Variants in TMEM164 observed in about 807,000 individuals in gnomAD.
TMEM164 encodes RP13-360B22.2.
Under a neutral mutation model 18.8 loss-of-function variants are expected in TMEM164, and 4 were observed. The observed-to-expected ratio is 0.21, with a 90% CI of 0.10 to 0.49. TMEM164 has a LOEUF of 0.49. TMEM164 is among the 20% of genes least tolerant of loss of function. The pLI, the probability that TMEM164 is intolerant of heterozygous loss-of-function variation, is 0.98. For synonymous variants in TMEM164, 86 were observed against 101.7 expected (o/e 0.85, Z 0.93); for missense variants, 108 against 239.9 (o/e 0.45, Z 3.63).
intron 5 of TMEM164, among the ~76,000 whole-genome samples, chrX:110,151,772 G>A (rs1334640797): frequency 1.8e-5 from 2 of 111,345 alleles, no homozygotes; most frequent in African/African-American, 6.5e-5. Flanking sequence ...AACAGAGTGA[G>A]ACTCAGTCTC....
intron 4 of TMEM164, among the ~76,000 whole-genome samples, chrX:110,114,653 A>G (rs1043770206): frequency 9.9e-5 from 11 of 111,345 alleles, no homozygotes; most frequent in Non-Finnish European, 1.7e-4. Flanking sequence ...TCTAACCCCC[A>G]TGAGAGTTTC....
chrX:110,043,764 A>G (rs1569305227), intron 2 of TMEM164, among the ~76,000 whole-genome samples: 1 of 112,643 alleles, frequency 8.9e-6, no homozygotes, highest in Non-Finnish European at 1.9e-5. Context: ...TCTGCCAGAG[A>G]TAATCATTAT....
intron 3 of TMEM164, among the ~76,000 whole-genome samples, chrX:110,098,006 A>G (rs2066048760): frequency 8.9e-6 from 1 of 111,831 alleles, no homozygotes; most frequent in Non-Finnish European, 1.9e-5. Context: ...ACTACCACAG[A>G]CAGGGTTTAG....
At position 110,175,745 on chromosome X, in the gene TMEM164, G is replaced by A. The variant is rs2067282295; in HGVS notation, c.*2294G>A. 41 of 754,649 alleles carry A rather than the reference G, an allele frequency of 5.4e-5. No homozygotes were observed. Among genetic ancestry groups the A allele is most frequent in the Non-Finnish European group, 6.4e-5 (41 of 639,502 alleles). The allele number at this position is 754,649 out of a possible 1,213,427, so 62.2% of individuals were successfully genotyped here. A position where few individuals can be genotyped will look rare whatever the true frequency, so the allele number is the denominator to read the frequency against. ...CATGTAGGTCAAAAGAATAGAGGGG[G>A]CCCAGTCTATAGGCTTCACAAGGAG... On this transcript the variant is annotated 3_prime_UTR_variant, in exon 7 of 7. Transcript: ENST00000372068.
intron 4 of TMEM164, among the ~76,000 whole-genome samples, chrX:110,140,829 G>A (rs1209553374): frequency 3.6e-5 from 4 of 112,416 alleles, no homozygotes; most frequent in Non-Finnish European, 7.5e-5. Context: ...CCAGGTATGA[G>A]TTCTCTAGTG....
intron 4 of TMEM164, among the ~76,000 whole-genome samples, chrX:110,141,797 T>C (rs1352937778): frequency 8.9e-6 from 1 of 112,516 alleles, no homozygotes; most frequent in African/African-American, 3.2e-5. Flanking sequence ...TTGGCTCCCA[T>C]TCAACTCTCT....
intron 4 of TMEM164, 121 bp downstream of exon 4, chrX:110,109,267 C>A: frequency 1.5e-6 from 1 of 661,945 alleles, no homozygotes. Context: ...CCTGTAATCC[C>A]AGCACTTTGG....
chrX:110,091,416 G>A (rs2065927092), intron 3 of TMEM164, among the ~76,000 whole-genome samples: 1 of 111,942 alleles, frequency 8.9e-6, no homozygotes, highest in Admixed American at 9.5e-5. Flanking sequence ...GGTGTGAGAT[G>A]GTATCTCACT....
At chrX:110,116,845 T>C (rs868133673) in intron 4 of TMEM164, among the ~76,000 whole-genome samples, 9 of 104,944 alleles carry the variant, frequency 8.6e-5, no homozygotes, top group African/African-American at 3.2e-4. Flanking sequence ...TGTGTGTGTG[T>C]GTGTGTGCGC....
At chrX:110,159,299 G>C (rs2148108525) in intron 5 of TMEM164, among the ~76,000 whole-genome samples, 1 of 110,911 alleles carries the variant, frequency 9.0e-6, no homozygotes, top group South Asian at 3.8e-4. Flanking sequence ...AGAGAGCTGG[G>C]GAACAAGGAG....
At chrX:110,137,684 A>G (rs1411825323) in intron 4 of TMEM164, among the ~76,000 whole-genome samples, 1 of 111,922 alleles carries the variant, frequency 8.9e-6, no homozygotes, top group Non-Finnish European at 1.9e-5. Flanking sequence ...TCCTGCACTG[A>G]TATTCTTGCC....
intron 2 of TMEM164, among the ~76,000 whole-genome samples, chrX:110,057,148 T>G (rs1935879161): frequency 1.8e-5 from 2 of 111,499 alleles, no homozygotes; most frequent in Admixed American, 1.9e-4. Flanking sequence ...CCTGGAAAAC[T>G]AAAACTTTGT....
chrX:110,160,008 C>T (rs1306091149), intron 5 of TMEM164, among the ~76,000 whole-genome samples: 1 of 111,457 alleles, frequency 9.0e-6, no homozygotes, highest in Non-Finnish European at 1.9e-5. Context: ...GGGAGGAAGT[C>T]AGCCACAAGG....
rs1012664687 is a variant in TMEM164 at position 110,176,000 on chromosome X, C to G, written c.*2549C>G. 1 of 754,888 alleles carries G rather than the reference C, an allele frequency of 1.3e-6. No individual in the cohort carries two copies. The highest frequency in any genetic ancestry group is 2.3e-5 in the African/African-American group (1 of 43,318). The allele number at this position is 754,888 out of a possible 1,213,427, so 62.2% of individuals were successfully genotyped here. On this transcript the variant is annotated 3_prime_UTR_variant, in exon 7 of 7. Coordinates refer to ENST00000372068, the MANE Select transcript of TMEM164 (RefSeq NM_032227.4). Reference sequence around the variant, plus strand: ...GAGGGAGAAGCTGGAGCTTGCACACCCAGTGGCCAGTGGGGCTGTCTTCCC... The same window carrying G: ...GAGGGAGAAGCTGGAGCTTGCACACGCAGTGGCCAGTGGGGCTGTCTTCCC...
Position 110,024,914 on chromosome X carries a change from G to A in TMEM164, c.390+20750G>A, listed in dbSNP as rs767408132. On this transcript the variant is annotated intron_variant, in intron 2 of 6. Coordinates refer to ENST00000372068, the MANE Select transcript of TMEM164 (RefSeq NM_032227.4). ...AAAGATCTTGTATTCAGGAACACTA[G>A]GTTAATAATCTACAAAATCTAATAC... 1.4e-4 allele frequency among the ~76,000 whole-genome samples: 16 copies of A among 111,539 alleles called. No individual in the cohort carries two copies. The South Asian group carries it at 1.9e-3, about 13-fold the overall frequency.
chrX:110,141,440 G>A (rs777731616), intron 4 of TMEM164, among the ~76,000 whole-genome samples: 7 of 112,061 alleles, frequency 6.2e-5, no homozygotes, highest in Non-Finnish European at 1.3e-4. Flanking sequence ...ATGTAGCTGG[G>A]GAGGCCTCAC....
At chrX:110,111,948 C>T (rs1011792934) in intron 4 of TMEM164, among the ~76,000 whole-genome samples, 2 of 111,365 alleles carry the variant, frequency 1.8e-5, no homozygotes, top group East Asian at 5.7e-4. Flanking sequence ...TGGCTCACAC[C>T]TGTGGTCCCA....
At chrX:110,109,398 A>G (rs1268498011) in intron 4 of TMEM164, among the ~76,000 whole-genome samples, 1 of 111,537 alleles carries the variant, frequency 9.0e-6, no homozygotes, top group Non-Finnish European at 1.9e-5. Context: ...TTTGCCTGCA[A>G]TCCCAGCTAC....
chrX:110,110,336 G>A (rs2066273430), intron 4 of TMEM164, among the ~76,000 whole-genome samples: 1 of 112,278 alleles, frequency 8.9e-6, no homozygotes, highest in Non-Finnish European at 1.9e-5. Context: ...ACCCTAGTAT[G>A]TTCCAGGCTC....
Sources: gnomAD v4.1 joint callset for allele counts (sites outside exome capture counted in the v4.1 genomes callset) on GRCh38, gnomAD v4.1.1 for gene constraint, MANE v1.5 for transcripts, NCBI Gene and HGNC (gene_info 2026-07-23, HGNC 2026-07-21) for gene names.